The following RAD51C variants were observed in gnomAD, a reference collection of about 807,000 sequenced individuals.
RAD51C encodes the protein RAD51 paralog C.
Under a neutral mutation model 45.0 loss-of-function variants are expected in RAD51C, and 42 were observed. The ratio of observed to expected loss-of-function variants is 0.93; its 90% CI spans 0.73 to 1.21. The LOEUF (loss-of-function observed/expected upper bound fraction) is 1.21. Ranked by LOEUF, RAD51C falls within the 50% of genes most tolerant of loss-of-function variation. RAD51C has a pLI of 0.00. For missense variants in RAD51C, 474 were observed against 452.2 expected (o/e 1.05, Z -0.44); for synonymous variants, 172 against 159.8 (o/e 1.08, Z -0.58).
chr17:58,706,296 G>A (rs1010616476), intron 4 of RAD51C, among the ~76,000 whole-genome samples: 1 of 151,958 alleles, frequency 6.6e-6, no homozygotes, highest in Non-Finnish European at 1.5e-5. Flanking sequence ...GCATGGTGGT[G>A]CGTGCCTGTA....
At chr17:58,715,011 G>C (rs2048681635) in intron 5 of RAD51C, among the ~76,000 whole-genome samples, 1 of 151,724 alleles carries the variant, frequency 6.6e-6, no homozygotes, top group Admixed American at 6.6e-5. Flanking sequence ...TATTTAAAAT[G>C]TCTGCTCCTT....
In RAD51C at chr17:58,694,916, T is replaced by G. The variant is rs1036386535; in HGVS notation, c.146-15T>G. Reference sequence around the variant, plus strand: ...CTCTAAAATTAGGGTTCTTTTTTTCTTATTTTACTTTCAGAAGTTGGGATA... The same window carrying G: ...CTCTAAAATTAGGGTTCTTTTTTTCGTATTTTACTTTCAGAAGTTGGGATA... On this transcript the variant is annotated splice_polypyrimidine_tract_variant and intron_variant, in intron 1 of 8. Coordinates refer to ENST00000337432, the MANE Select transcript of RAD51C (RefSeq NM_058216.3). The G allele has an allele frequency of 6.2e-7, 1 of 1,600,404 alleles. No individual in the cohort carries two copies. The highest frequency in any genetic ancestry group is 1.3e-5 in the African/African-American group (1 of 74,706).
chr17:58,710,247 C>T (rs965956585), intron 5 of RAD51C, among the ~76,000 whole-genome samples: 2 of 145,986 alleles, frequency 1.4e-5, no homozygotes, highest in African/African-American at 5.1e-5. Context: ...TTTGGGAGGC[C>T]GAGGCAGGTG....
intron 6 of RAD51C, among the ~76,000 whole-genome samples, chr17:58,723,306 T>G (rs544600529): frequency 6.6e-6 from 1 of 152,184 alleles, no homozygotes; most frequent in East Asian, 1.9e-4. Flanking sequence ...GAGTTACACT[T>G]AATGCTTTTT....
Position 58,709,916 on chromosome 17 carries a change from C to T in RAD51C, c.763C>T (p.Leu255=), listed in dbSNP as rs1598484488. 1.2e-6 allele frequency: 2 copies of T among 1,611,478 alleles called. No individual in the cohort carries two copies. Among genetic ancestry groups the T allele is most frequent in the African/African-American group, 1.3e-5 (1 of 74,910 alleles). The stretch of plus-strand genomic sequence containing the variant: ...TCCATTTCGTCATGACCTAGATGAC[C>T]TGTCTCTTCGTACTCGGTTATTAAA... ...AFPFRHDLDD[L]SLRTRLLNGL... is the part of the protein sequence containing the mutation. Residue 255 remains leucine (L), a synonymous_variant, in exon 5 of 9, where the codon CTG becomes TTG. Transcript: ENST00000337432.
intron 3 of RAD51C, among the ~76,000 whole-genome samples, chr17:58,698,711 G>T (rs781492285): frequency 6.6e-6 from 1 of 151,274 alleles, no homozygotes. Flanking sequence ...AGGCCGAGGC[G>T]GGCGGATCAC....
rs1598459949 is a variant in RAD51C, at chr17:58,696,688, G to T, written c.405-5G>T. On this transcript the variant is annotated splice_polypyrimidine_tract_variant and splice_region_variant and intron_variant, in intron 2 of 8. Coordinates refer to ENST00000337432, the MANE Select transcript of RAD51C (RefSeq NM_058216.3). ...TTTGGTTGTTTGTCATCTTTCTGTT[G>T]ACAGTATGCAGTTGGCAGTAGATGT... 1 of 1,614,096 alleles carries T rather than the reference G, an allele frequency of 6.2e-7. No homozygotes were observed. The highest frequency in any genetic ancestry group is 1.1e-5 in the South Asian group (1 of 91,068).
intron 3 of RAD51C, among the ~76,000 whole-genome samples, chr17:58,697,958 C>T (rs559640763): frequency 1.1e-4 from 17 of 152,100 alleles, no homozygotes; most frequent in South Asian, 4.2e-4. Flanking sequence ...GTGATCCTCC[C>T]GCCTCAGCCT....
intron 3 of RAD51C, among the ~76,000 whole-genome samples, chr17:58,700,414 A>G (rs966379839): frequency 2.6e-5 from 4 of 152,116 alleles, no homozygotes; most frequent in African/African-American, 9.7e-5. Flanking sequence ...GTGTAGCACT[A>G]GGATATAAAG....
At chr17:58,726,354 A>G (rs548687662) in intron 7 of RAD51C, among the ~76,000 whole-genome samples, 1 of 149,850 alleles carries the variant, frequency 6.7e-6, no homozygotes, top group Admixed American at 6.7e-5. Context: ...TTATTGTGCA[A>G]AGCACTGTAT....
intron 4 of RAD51C, among the ~76,000 whole-genome samples, chr17:58,708,357 T>C (rs2048441457): frequency 6.6e-6 from 1 of 151,948 alleles, no homozygotes; most frequent in Non-Finnish European, 1.5e-5. Flanking sequence ...CACTAAAACA[T>C]AACCTCCAAG....
At chr17:58,720,011 C>T (rs1241684107) in intron 5 of RAD51C, among the ~76,000 whole-genome samples, 3 of 149,436 alleles carry the variant, frequency 2.0e-5, no homozygotes, top group Non-Finnish European at 3.0e-5. Flanking sequence ...CTCCTGACCT[C>T]GTGATTCGCC....
intron 6 of RAD51C, among the ~76,000 whole-genome samples, chr17:58,722,750 A>G (rs776172756): frequency 1.3e-5 from 2 of 152,226 alleles, no homozygotes; most frequent in Non-Finnish European, 2.9e-5. Context: ...GGAATTAGGA[A>G]CTGGCGCTCT....
At chr17:58,693,542 T>C (rs1393666508) in intron 1 of RAD51C, 3 of 152,162 alleles carry the variant, frequency 2.0e-5, no homozygotes, top group Non-Finnish European at 4.4e-5. Flanking sequence ...AAAGAATAAG[T>C]CTCGTGGACC....
At position 58,724,438 on chromosome 17, in the gene RAD51C, G is replaced by GA. The variant is rs113719550; in HGVS notation, c.965+348dup. The stretch of plus-strand genomic sequence containing the variant: ...GTACTCTGTGTTCCTGGAAGAGATT[G>GA]AAAAAAAAAAGAATAAAATCAGGAC... On this transcript the variant is annotated intron_variant, in intron 7 of 8. Transcript: ENST00000337432. Among the ~76,000 whole-genome samples the GA allele has an allele frequency of 6.8e-3, 1,005 of 147,428 alleles. 5 individuals carry two copies. Among genetic ancestry groups the GA allele is most frequent in the African/African-American group, 0.023 (930 of 40,536 alleles).
At chr17:58,726,040 A>G (rs1311402493) in intron 7 of RAD51C, among the ~76,000 whole-genome samples, 1 of 151,598 alleles carries the variant, frequency 6.6e-6, no homozygotes, top group African/African-American at 2.4e-5. Context: ...TACAACACCA[A>G]CACTGAATAT....
chr17:58,725,620 A>G (rs1157526693), intron 7 of RAD51C, among the ~76,000 whole-genome samples: 1 of 152,182 alleles, frequency 6.6e-6, no homozygotes, highest in East Asian at 1.9e-4. Flanking sequence ...AAGTTATCCA[A>G]GAGATCAGAA....
intron 5 of RAD51C, among the ~76,000 whole-genome samples, chr17:58,710,208 G>A (rs564410871): frequency 6.6e-6 from 1 of 151,572 alleles, no homozygotes; most frequent in African/African-American, 2.4e-5. Flanking sequence ...GTGGTTGAGC[G>A]CGGTAGCTCG....
At chr17:58,721,672 T>C (rs1399018247) in intron 6 of RAD51C, among the ~76,000 whole-genome samples, 1 of 151,678 alleles carries the variant, frequency 6.6e-6, no homozygotes, top group African/African-American at 2.4e-5. Flanking sequence ...GGCAGGAGAA[T>C]CGCTTGAACC....
Sources: allele counts gnomAD v4.1 joint callset (sites outside exome capture counted in the v4.1 genomes callset), GRCh38; gene constraint gnomAD v4.1.1; transcripts MANE v1.5; gene names NCBI Gene and HGNC (gene_info 2026-07-23, HGNC 2026-07-21).